FLYWCH1: variants seen among roughly 807,000 people sequenced by gnomAD.
FLYWCH1 encodes the protein FLYWCH-type zinc finger 1.
A neutral mutation model predicts 66.4 loss-of-function variants in FLYWCH1; 75 were observed. That is an observed-to-expected ratio of 1.13 (90% CI 0.94 to 1.37). FLYWCH1 has a LOEUF of 1.37. Among genes scored for constraint, FLYWCH1 ranks in the 40% most tolerant of loss-of-function variants. The pLI is 0.00. For missense variants in FLYWCH1, 1,334 were observed against 1,001.8 expected, an observed-to-expected ratio of 1.33 and a Z score of -4.48; for synonymous variants, 595 against 429.9, an observed-to-expected ratio of 1.38 and a Z score of -4.75.
At chr16:2,922,723 CCTT>C (rs1281097839) in intron 2 of FLYWCH1, 3 of 500,850 alleles carry the variant, frequency 6.0e-6, no homozygotes, top group African/African-American at 3.9e-5. Flanking sequence ...GGAACATGTG[CCTT>C]CTTCTCTCCA....
Position 2,938,187 on chromosome 16 carries a change from C to A in FLYWCH1, c.1781C>A (p.Pro594His). The A allele has an allele frequency of 6.2e-7, 1 of 1,611,812 alleles. No individual in the cohort carries two copies. The highest frequency in any genetic ancestry group is 1.1e-5 in the South Asian group (1 of 90,888). The change falls in exon 8 of 10, where the codon CCT (proline) becomes CAT (histidine). Residue 594 changes from proline (P) to histidine (H), a missense_variant. Transcript: ENST00000253928. The part of the protein sequence containing the change: ...PNLAQWDSPD[P>H]LRPLEFLRTS... Reference sequence around the variant, plus strand: ...ACAGTGTCACTTTCCCTTTCAGATCCTCTCCGGCCCCTGGAGTTCCTGAGG... The same window carrying A: ...ACAGTGTCACTTTCCCTTTCAGATCATCTCCGGCCCCTGGAGTTCCTGAGG...
Position 2,949,984 on chromosome 16 carries a change from C to T in FLYWCH1, c.*1257C>T, listed in dbSNP as rs889948334. 6.6e-6 allele frequency: 1 copy of T among 152,246 alleles called. No individual in the cohort carries two copies. The highest frequency in any genetic ancestry group is 1.5e-5 in the Non-Finnish European group (1 of 68,112). 9.4% of individuals were successfully genotyped at this position (152,246 alleles called of 1,614,324 possible). A position where few individuals can be genotyped will look rare whatever the true frequency, so the allele number is the denominator to read the frequency against. On this transcript the variant is annotated 3_prime_UTR_variant, in exon 10 of 10. Coordinates refer to ENST00000253928, the MANE Select transcript of FLYWCH1 (RefSeq NM_001308068.2). ...CCTGGACCAAGAGTGGACGGAGACA[C>T]CTGGGGTTGGGGCCTCTGGAAGGGC... is the stretch of plus-strand genomic sequence containing the variant.
chr16:2,933,151 T>G lies in FLYWCH1; in HGVS notation c.818T>G (p.Phe273Cys). 1 of 1,613,508 alleles carries G rather than the reference T, an allele frequency of 6.2e-7. No individual in the cohort carries two copies. Among genetic ancestry groups the G allele is most frequent in the South Asian group, 1.1e-5 (1 of 91,052 alleles). ...CTAGGACAGGCCCGGCCCCTCGAGT[T>G]CCTGAGGACGTGCTACGGGGGCAGC... ...LGLGQARPLE[F>C]LRTCYGGSFL... Residue 273 changes from phenylalanine to cysteine, a missense_variant, in exon 5 of 10, where the codon TTC (phenylalanine) becomes TGC (cysteine). By Grantham distance (205) the Phe-to-Cys change is radical. Coordinates refer to ENST00000253928, the MANE Select transcript of FLYWCH1 (RefSeq NM_001308068.2).
Position 2,930,635 on chromosome 16 carries a change from G to A in FLYWCH1, c.551G>A (p.Arg184Gln), listed in dbSNP as rs775301395. ...HAPDEQGLEARRQREKLPSLA... is the reference protein window; with the variant it reads ...HAPDEQGLEAQRQREKLPSLA... Reference sequence around the variant, plus strand: ...CCCGATGAGCAAGGCCTGGAGGCCCGGCGCCAGAGGGAGAAACTGCCCAGC... The same window carrying A: ...CCCGATGAGCAAGGCCTGGAGGCCCAGCGCCAGAGGGAGAAACTGCCCAGC... Residue 184 changes from arginine to glutamine, a missense_variant, in exon 4 of 10, where the codon CGG becomes CAG. By Grantham distance (43) the Arg-to-Gln change is conservative. Transcript: ENST00000253928. 2.2e-5 allele frequency: 34 copies of A among 1,548,120 alleles called. No individual in the cohort carries two copies. The highest frequency in any genetic ancestry group is 5.9e-5 in the South Asian group (5 of 84,094).
At chr16:2,930,924 G>T (rs1308170889) in intron 4 of FLYWCH1, 44 bp downstream of exon 4, 1 of 1,463,064 alleles carries the variant, frequency 6.8e-7, no homozygotes, top group East Asian at 2.5e-5. Context: ...CGGGGCAGGG[G>T]ACCCGAGGGC....
At position 2,937,307 on chromosome 16, in the gene FLYWCH1, A is replaced by G. The variant is rs1423074094; in HGVS notation, c.1700A>G (p.His567Arg). The G allele has an allele frequency of 3.1e-6, 5 of 1,602,674 alleles. No homozygotes were observed. The highest frequency in any genetic ancestry group is 4.3e-6 in the Non-Finnish European group (5 of 1,175,398). ...RRVMVMRRHC[H>R]PPDLGGLEAL... ...GTCATGGTCATGCGCAGGCACTGCCACCCACCGGACCTGGGCGGCCTGGAG... is the reference window on the plus strand; with the variant it reads ...GTCATGGTCATGCGCAGGCACTGCCGCCCACCGGACCTGGGCGGCCTGGAG... The change falls in exon 7 of 10, where the codon CAC becomes CGC. Residue 567 changes from histidine (H) to arginine (R), a missense_variant. Coordinates refer to ENST00000253928, the MANE Select transcript of FLYWCH1 (RefSeq NM_001308068.2).
intron 1 of FLYWCH1, 140 bp from the exon 2 acceptor site, chr16:2,914,036 G>A (rs1371223841): frequency 6.6e-6 from 1 of 152,104 alleles, no homozygotes; most frequent in Non-Finnish European, 1.5e-5. Context: ...TTAAACAGAG[G>A]GCCTTCCCTC....
intron 7 of FLYWCH1, 23 bp from the exon 8 acceptor site, chr16:2,938,161 C>G (rs756487184): frequency 6.2e-7 from 1 of 1,606,740 alleles, no homozygotes. Flanking sequence ...TGGCCCCACT[C>G]ACAGTGTCAC....
rs1222639565 is a variant in FLYWCH1, at chr16:2,949,922, A to C, written c.*1195A>C. ...AGTGCCCAGGGGGAGACCCCTCCCC[A>C]TGCCTGGGCTGTTACAGTCACCTGG... On this transcript the variant is annotated 3_prime_UTR_variant, in exon 10 of 10. Transcript: ENST00000253928. 1 of 152,144 alleles carries C rather than the reference A, an allele frequency of 6.6e-6. No homozygotes were observed. Among genetic ancestry groups the C allele is most frequent in the African/African-American group, 2.4e-5 (1 of 41,418 alleles). The allele number at this position is 152,144 out of a possible 1,614,324, so 9.4% of individuals were successfully genotyped here.
At chr16:2,934,698 C>A in intron 6 of FLYWCH1, 1 of 455,830 alleles carries the variant, frequency 2.2e-6, no homozygotes, top group South Asian at 1.6e-5. Flanking sequence ...AAAGTTCTCT[C>A]GGACTTGAGA....
intron 6 of FLYWCH1, chr16:2,934,495 C>T (rs2074360): frequency 0.2 from 76,008 of 375,428 alleles, 9,198 homozygotes; most frequent in East Asian, 0.43. Flanking sequence ...GTCGGCCCCC[C>T]GCAGTGCCTG....
chr16:2,924,990 C>T (rs1345871694), intron 2 of FLYWCH1, among the ~76,000 whole-genome samples: 1 of 152,206 alleles, frequency 6.6e-6, no homozygotes, highest in Non-Finnish European at 1.5e-5. Flanking sequence ...CTTTCCTTGT[C>T]AGGCCAAGCT....
chr16:2,940,933 C>G (rs1044478099), intron 9 of FLYWCH1, among the ~76,000 whole-genome samples: 1 of 151,714 alleles, frequency 6.6e-6, no homozygotes, highest in Non-Finnish European at 1.5e-5. Flanking sequence ...GAGTTCGAGA[C>G]CAGCCTGGCC....
intron 6 of FLYWCH1, chr16:2,936,058 C>T (rs986751340): frequency 1.3e-5 from 3 of 234,192 alleles, no homozygotes; most frequent in South Asian, 4.9e-5. Flanking sequence ...TACAGGTGCA[C>T]ACCACCACGC....
chr16:2,933,079 C>G (rs1396913734), intron 4 of FLYWCH1, 51 bp from the exon 5 acceptor site: 32 of 1,525,940 alleles, frequency 2.1e-5, no homozygotes, highest in South Asian at 6.0e-5. Flanking sequence ...GCTGTCCCTC[C>G]TGGGCTCCTC....
intron 4 of FLYWCH1, among the ~76,000 whole-genome samples, chr16:2,932,384 G>A (rs2070796890): frequency 6.6e-6 from 1 of 151,724 alleles, no homozygotes; most frequent in Admixed American, 6.6e-5. Flanking sequence ...CAGAAAATTG[G>A]CTTAATTTCT....
intron 8 of FLYWCH1, 84 bp downstream of exon 8, chr16:2,938,540 C>A: frequency 1.5e-6 from 2 of 1,337,956 alleles, no homozygotes; most frequent in African/African-American, 1.5e-5. Flanking sequence ...GGCCAGGCAC[C>A]CACTGAGCAG....
intron 9 of FLYWCH1, among the ~76,000 whole-genome samples, chr16:2,941,263 G>T (rs905438290): frequency 1.4e-4 from 21 of 151,886 alleles, no homozygotes; most frequent in African/African-American, 4.4e-4. Flanking sequence ...AACCAGTTGG[G>T]GCAACAGAGC....
chr16:2,912,908 T>G (rs1185788356), intron 1 of FLYWCH1: 1 of 152,222 alleles, frequency 6.6e-6, no homozygotes, highest in African/African-American at 2.4e-5. Context: ...TTATTTTTAT[T>G]TGCATATTTC....
Sources: allele counts gnomAD v4.1 joint callset (sites outside exome capture counted in the v4.1 genomes callset), GRCh38; gene constraint gnomAD v4.1.1; transcripts MANE v1.5; gene names NCBI Gene and HGNC (gene_info 2026-07-23, HGNC 2026-07-21).